VAV3: variants seen among roughly 807,000 people sequenced by gnomAD.
VAV3 encodes the protein guanine nucleotide exchange factor VAV3.
Under a neutral mutation model 131.2 loss-of-function variants are expected in VAV3, and 94 were observed. The observed-to-expected ratio is 0.72, with a 90% CI of 0.61 to 0.85. The LOEUF is 0.85. VAV3 is among the 40% of genes least tolerant of loss of function. The pLI, the probability that VAV3 is intolerant of heterozygous loss-of-function variation, is 0.00. For missense variants in VAV3, 939 were observed against 1,002.7 expected (o/e 0.94, Z 0.86); for synonymous variants, 349 against 342.0 (o/e 1.02, Z -0.22).
intron 15 of VAV3, among the ~76,000 whole-genome samples, chr1:107,725,901 C>G (rs1345696615): frequency 6.6e-6 from 1 of 152,096 alleles, no homozygotes; most frequent in Non-Finnish European, 1.5e-5. Context: ...TGTTTTAAGC[C>G]AATGACAATA....
intron 16 of VAV3, 83 bp downstream of exon 16, chr1:107,704,875 ATT>A: frequency 7.3e-7 from 1 of 1,371,972 alleles, no homozygotes; most frequent in Non-Finnish European, 1.0e-6. Flanking sequence ...TTTAGAACCT[ATT>A]GGCTAGAAGG....
At chr1:107,761,649 C>T (rs945149458) in intron 9 of VAV3, among the ~76,000 whole-genome samples, 3 of 152,106 alleles carry the variant, frequency 2.0e-5, no homozygotes, top group Admixed American at 6.5e-5. Flanking sequence ...ATACATCTTC[C>T]TGTTTAAGAA....
At chr1:107,836,516 C>A (rs529197180) in intron 2 of VAV3, among the ~76,000 whole-genome samples, 2 of 152,150 alleles carry the variant, frequency 1.3e-5, no homozygotes, top group East Asian at 1.9e-4. Flanking sequence ...CCTACAGGAA[C>A]TGGAAAAACA....
intron 15 of VAV3, among the ~76,000 whole-genome samples, chr1:107,739,382 T>C (rs1385583408): frequency 6.6e-6 from 1 of 152,230 alleles, no homozygotes; most frequent in Non-Finnish European, 1.5e-5. Flanking sequence ...TACTTCCTTT[T>C]ATTGCTGCCA....
chr1:107,680,614 C>G (rs1298962789), intron 19 of VAV3, among the ~76,000 whole-genome samples: 2 of 152,122 alleles, frequency 1.3e-5, no homozygotes, highest in African/African-American at 4.8e-5. Flanking sequence ...GTGGTGCCAT[C>G]ACAGCTCACC....
chr1:107,795,048 G>C (rs563636799), intron 2 of VAV3, among the ~76,000 whole-genome samples: 99 of 152,260 alleles, frequency 6.5e-4, no homozygotes, highest in South Asian at 1.2e-3. Flanking sequence ...AAAAAGAGAG[G>C]AGGGCACTGA....
chr1:107,614,035 G>C (rs1652952786), intron 21 of VAV3, among the ~76,000 whole-genome samples: 1 of 151,964 alleles, frequency 6.6e-6, no homozygotes, highest in African/African-American at 2.4e-5. Context: ...AAATTCTCAG[G>C]GGATACTGCT....
At chr1:107,671,191 G>A (rs894280622) in intron 19 of VAV3, among the ~76,000 whole-genome samples, 1 of 152,150 alleles carries the variant, frequency 6.6e-6, no homozygotes, top group Non-Finnish European at 1.5e-5. Flanking sequence ...TTACTCCCAA[G>A]AAGGAAAGCT....
At chr1:107,737,574 C>T (rs990923750) in intron 15 of VAV3, among the ~76,000 whole-genome samples, 171 of 152,286 alleles carry the variant, frequency 1.1e-3, no homozygotes, top group African/African-American at 4.0e-3. Context: ...CAAAAGAAGA[C>T]ATTTATGCAG....
intron 2 of VAV3, among the ~76,000 whole-genome samples, chr1:107,789,028 T>C (rs1037882965): frequency 4.6e-5 from 7 of 152,200 alleles, no homozygotes; most frequent in African/African-American, 1.7e-4. Context: ...CACCAGCTGA[T>C]TGGAAAGCCA....
At chr1:107,573,399 C>A in intron 26 of VAV3, 27 bp from the exon 27 acceptor site, 1 of 1,613,544 alleles carries the variant, frequency 6.2e-7, no homozygotes. Context: ...ACCAACACAG[C>A]AACATGACTT....
At chr1:107,575,569 T>C (rs1649587858) in intron 25 of VAV3, among the ~76,000 whole-genome samples, 1 of 152,196 alleles carries the variant, frequency 6.6e-6, no homozygotes, top group Non-Finnish European at 1.5e-5. Flanking sequence ...CTTTAATAGC[T>C]TTCTCACTGA....
intron 9 of VAV3, among the ~76,000 whole-genome samples, chr1:107,763,748 G>A (rs1226105640): frequency 1.3e-5 from 2 of 152,184 alleles, no homozygotes; most frequent in Non-Finnish European, 2.9e-5. Context: ...TTGGTGGCCT[G>A]TTAACGTGCA....
At chr1:107,596,139 G>A in intron 25 of VAV3, 73 bp downstream of exon 25, 2 of 1,548,750 alleles carry the variant, frequency 1.3e-6, no homozygotes, top group Non-Finnish European at 1.7e-6. Flanking sequence ...AAATTTGGAA[G>A]GAAGATGTTT....
In VAV3 at chr1:107,939,918, C is replaced by T. The variant is rs115412866; in HGVS notation, c.204+24748G>A. 6.1e-3 allele frequency among the ~76,000 whole-genome samples: 927 copies of T among 151,996 alleles called. 5 individuals are homozygous for T. Among genetic ancestry groups the T allele is most frequent in the Non-Finnish European group, 9.8e-3 (664 of 67,984 alleles). ...AAGACAGGACAGGTAGAGAATGTGG[C>T]CCCAGGTGAGGTGCTCTCCAGATGT... On this transcript the variant is annotated intron_variant, in intron 1 of 26. Coordinates refer to ENST00000370056, the MANE Select transcript of VAV3 (RefSeq NM_006113.5).
intron 2 of VAV3, among the ~76,000 whole-genome samples, chr1:107,852,585 A>C (rs893970702): frequency 1.3e-5 from 2 of 152,214 alleles, no homozygotes; most frequent in African/African-American, 4.8e-5. Context: ...TAAAATATTT[A>C]AATGGCTGCA....
At chr1:107,613,848 A>G (rs759831354) in intron 21 of VAV3, among the ~76,000 whole-genome samples, 2 of 152,036 alleles carry the variant, frequency 1.3e-5, no homozygotes, top group Non-Finnish European at 2.9e-5. Flanking sequence ...AATGTGGAAT[A>G]ATTTTTTTAA....
intron 19 of VAV3, 128 bp from the exon 20 acceptor site, chr1:107,642,883 T>A: frequency 8.0e-7 from 1 of 1,252,250 alleles, no homozygotes; most frequent in Non-Finnish European, 1.1e-6. Context: ...GTAAACATTT[T>A]AAGTAACTAT....
intron 15 of VAV3, among the ~76,000 whole-genome samples, chr1:107,706,076 G>C (rs1260393207): frequency 2.6e-5 from 4 of 152,108 alleles, no homozygotes; most frequent in Non-Finnish European, 5.9e-5. Flanking sequence ...GCAAAAGAGG[G>C]CAGAAAATTA....
Sources: allele counts gnomAD v4.1 joint callset (sites outside exome capture counted in the v4.1 genomes callset), GRCh38; gene constraint gnomAD v4.1.1; transcripts MANE v1.5; gene names NCBI Gene and HGNC (gene_info 2026-07-23, HGNC 2026-07-21).